The following FREM2 variants were observed in gnomAD, a reference collection of about 807,000 sequenced individuals.
The protein encoded by FREM2 is FRAS1-related extracellular matrix protein 2.
Under a neutral mutation model 219.9 loss-of-function variants are expected in FREM2, and 119 were observed. The observed-to-expected ratio is 0.54, with a 90% confidence interval of 0.47 to 0.63. FREM2 has a LOEUF of 0.63. Among genes scored for constraint, FREM2 ranks in the 30% least tolerant of loss-of-function variants. FREM2 has a pLI of 0.00. For missense variants in FREM2, 4,030 were observed against 3,993.6 expected (o/e 1.01, Z -0.25); for synonymous variants, 1,562 against 1,522.8 (o/e 1.03, Z -0.60).
chr13:38,691,607 C>T lies in FREM2; in HGVS notation c.4263C>T (p.Phe1421=). The change falls in exon 1 of 24, where the codon TTC becomes TTT. Residue 1421 remains phenylalanine, a synonymous_variant. Transcript: ENST00000280481. ...YVSIGSIDIV[F]PDVISKGVSL... Reference sequence around the variant, plus strand: ...CCATCGGGAGCATTGACATTGTCTTCCCTGATGTGATAAGTAAGGGAGTGT... The same window carrying T: ...CCATCGGGAGCATTGACATTGTCTTTCCTGATGTGATAAGTAAGGGAGTGT... The T allele has an allele frequency of 6.2e-7, 1 of 1,614,062 alleles. No homozygotes were observed. The highest frequency in any genetic ancestry group is 8.5e-7 in the Non-Finnish European group (1 of 1,179,994).
chr13:38,862,160 T>C (rs527475307), intron 15 of FREM2, among the ~76,000 whole-genome samples: 2 of 152,360 alleles, frequency 1.3e-5, no homozygotes, highest in Non-Finnish European at 2.9e-5. Flanking sequence ...TTTATACTTA[T>C]AGCAAATTGT....
At chr13:38,829,437 A>C (rs546160987) in intron 6 of FREM2, among the ~76,000 whole-genome samples, 4 of 152,236 alleles carry the variant, frequency 2.6e-5, no homozygotes, top group African/African-American at 9.6e-5. Flanking sequence ...AAATATATCA[A>C]ACTTTTTCAT....
intron 6 of FREM2, among the ~76,000 whole-genome samples, chr13:38,794,995 T>A (rs1410920491): frequency 2.0e-5 from 3 of 152,166 alleles, no homozygotes; most frequent in East Asian, 3.8e-4. Context: ...TTACTTAAGA[T>A]CACACAAATG....
intron 2 of FREM2, among the ~76,000 whole-genome samples, chr13:38,757,845 C>G (rs1307265869): frequency 2.6e-5 from 4 of 152,086 alleles, no homozygotes. Context: ...TCCTAGGCCT[C>G]CCAAAGTGCT....
intron 6 of FREM2, among the ~76,000 whole-genome samples, chr13:38,822,744 C>T (rs922049393): frequency 8.6e-5 from 13 of 151,988 alleles, no homozygotes; most frequent in Non-Finnish European, 5.9e-5. Flanking sequence ...AATATGTATT[C>T]GATCTAGTTC....
intron 2 of FREM2, among the ~76,000 whole-genome samples, chr13:38,750,375 G>T (rs1485591484): frequency 6.6e-6 from 1 of 152,194 alleles, no homozygotes; most frequent in East Asian, 1.9e-4. Context: ...AGATCCATGT[G>T]TTTTGTGTTT....
Position 38,846,613 on chromosome 13 carries a change from T to A in FREM2, c.6060T>A (p.Asp2020Glu). 6.2e-7 allele frequency: 1 copy of A among 1,607,808 alleles called. No individual in the cohort carries two copies. The change falls in exon 7 of 24, where the codon GAT becomes GAA. Residue 2020 changes from aspartate to glutamate, a missense_variant. Coordinates refer to ENST00000280481, the MANE Select transcript of FREM2 (RefSeq NM_207361.6). ...TCGGTGATGTGGAATACTCTGTGGA[T>A]GAGAGTGCTGGCTATGTGGAAGTGC... Reference protein sequence around the residue: ...FYFGDVEYSVDESAGYVEVQV... With the variant: ...FYFGDVEYSVEESAGYVEVQV...
chr13:38,821,085 T>C (rs1876028444), intron 6 of FREM2, among the ~76,000 whole-genome samples: 1 of 152,170 alleles, frequency 6.6e-6, no homozygotes, highest in African/African-American at 2.4e-5. Flanking sequence ...GTTGTCTCAT[T>C]AGGAGTCCTT....
At chr13:38,825,492 T>C (rs1397534514) in intron 6 of FREM2, among the ~76,000 whole-genome samples, 1 of 152,056 alleles carries the variant, frequency 6.6e-6, no homozygotes, top group African/African-American at 2.4e-5. Flanking sequence ...GAACAAAACA[T>C]GTGCTTTGTA....
Position 38,846,621 on chromosome 13 carries a change from C to CT in FREM2, c.6069dup (p.Gly2024TrpfsTer13), listed in dbSNP as rs1566164593. The CT allele has an allele frequency of 6.2e-7, 1 of 1,613,736 alleles. No homozygotes were observed. Among genetic ancestry groups the CT allele is most frequent in the South Asian group, 1.1e-5 (1 of 91,074 alleles). The stretch of plus-strand genomic sequence containing the variant: ...GTGGAATACTCTGTGGATGAGAGTG[C>CT]TGGCTATGTGGAAGTGCAGGTGTGG... On this transcript the variant is annotated frameshift_variant, in exon 7 of 24. Transcript: ENST00000280481. LOFTEE classifies it high-confidence loss of function.
intron 2 of FREM2, among the ~76,000 whole-genome samples, chr13:38,744,926 A>G (rs983446949): frequency 6.6e-6 from 1 of 152,246 alleles, no homozygotes; most frequent in African/African-American, 2.4e-5. Flanking sequence ...AAATAATTGA[A>G]TCCATTATTT....
rs1160621358 is a variant in FREM2 at position 38,737,480 on chromosome 13, C to T, written c.5264-26824C>T. Among the ~76,000 whole-genome samples, 3 of 152,266 alleles carry T rather than the reference C, an allele frequency of 2.0e-5. No individual in the cohort carries two copies. In the East Asian group the frequency reaches 5.8e-4, roughly 29 times the overall value. ...CACCATCCATAAAACTACTGGAAAA[C>T]TTTGTTTTGATCTGTGAGGTACATA... On this transcript the variant is annotated intron_variant, in intron 2 of 23. Transcript: ENST00000280481.
chr13:38,820,772 A>G (rs1323077706), intron 6 of FREM2, among the ~76,000 whole-genome samples: 1 of 152,126 alleles, frequency 6.6e-6, no homozygotes, highest in Non-Finnish European at 1.5e-5. Flanking sequence ...GAGCACTTCA[A>G]AGTCTTGGCC....
Position 38,772,484 on chromosome 13 carries a change from A to G in FREM2, c.5641+2676A>G, listed in dbSNP as rs534480338. Reference sequence around the variant, plus strand: ...TCTATGCTTTTCTCATTACTTTATAATGGTAACGACTGAAATTCGTTGAGC... The same window carrying G: ...TCTATGCTTTTCTCATTACTTTATAGTGGTAACGACTGAAATTCGTTGAGC... On this transcript the variant is annotated intron_variant, in intron 4 of 23. Transcript: ENST00000280481. 1.4e-3 allele frequency among the ~76,000 whole-genome samples: 208 copies of G among 152,268 alleles called. 2 individuals carry two copies. Among genetic ancestry groups the G allele is most frequent in the Non-Finnish European group, 3.1e-4 (21 of 68,024 alleles).
intron 20 of FREM2, 64 bp downstream of exon 20, chr13:38,876,446 T>TTAAAAAA (rs1555274159): frequency 2.7e-4 from 301 of 1,111,844 alleles, no homozygotes; most frequent in Non-Finnish European, 3.4e-4. Context: ...CATTTATTAG[T>TTAAAAAA]AAAAAAAAAA....
rs1437840049 is a variant in FREM2, at chr13:38,760,584, A to T, written c.5264-3720A>T. The stretch of plus-strand genomic sequence containing the variant: ...TATCACTTAAAATCTTTCAAGAAGT[A>T]TGCAAACATTTTAGAAAGAGTGTCA... On this transcript the variant is annotated intron_variant, in intron 2 of 23. Coordinates refer to ENST00000280481, the MANE Select transcript of FREM2 (RefSeq NM_207361.6). 2.0e-5 allele frequency among the ~76,000 whole-genome samples: 3 copies of T among 152,342 alleles called. No individual in the cohort carries two copies. The East Asian group carries it at 5.8e-4, about 29-fold the overall frequency.
chr13:38,877,181 G>A lies in FREM2; in HGVS notation c.8609G>A (p.Ser2870Asn), dbSNP rs1878369760. 6.2e-7 allele frequency: 1 copy of A among 1,614,122 alleles called. No homozygotes were observed. The highest frequency in any genetic ancestry group is 8.5e-7 in the Non-Finnish European group (1 of 1,179,958). ...NTQMYLLSKK[S>N]LWLSDGSMGF... ...CAAATGTACCTGCTCTCTAAGAAGAGTCTCTGGTTGTCTGATGGATCCATG... is the reference window on the plus strand; with the variant it reads ...CAAATGTACCTGCTCTCTAAGAAGAATCTCTGGTTGTCTGATGGATCCATG... The change falls in exon 21 of 24, where the codon AGT becomes AAT. Residue 2870 changes from serine (S) to asparagine (N), a missense_variant. Coordinates refer to ENST00000280481, the MANE Select transcript of FREM2 (RefSeq NM_207361.6).
chr13:38,812,126 T>C (rs1875504924), intron 6 of FREM2, among the ~76,000 whole-genome samples: 1 of 152,216 alleles, frequency 6.6e-6, no homozygotes, highest in African/African-American at 2.4e-5. Flanking sequence ...CTGCTCTTTT[T>C]TGGTTTCCAT....
chr13:38,830,493 A>C (rs1161274385), intron 6 of FREM2, among the ~76,000 whole-genome samples: 1 of 152,200 alleles, frequency 6.6e-6, no homozygotes, highest in East Asian at 1.9e-4. Flanking sequence ...GCTTCAGTCC[A>C]TCCACCATGC....
Sources: gnomAD v4.1 joint callset for allele counts (sites outside exome capture counted in the v4.1 genomes callset) on GRCh38, gnomAD v4.1.1 for gene constraint, MANE v1.5 for transcripts, NCBI Gene and HGNC (gene_info 2026-07-23, HGNC 2026-07-21) for gene names.